The following HDAC9 variants were observed in gnomAD, a reference collection of about 807,000 sequenced individuals.
The protein encoded by HDAC9 is histone deacetylase 9, also known as MEF-2 interacting transcription repressor (MITR) protein.
In HDAC9, 41 loss-of-function variants were observed where a neutral mutation model predicts 139.4. That is an observed-to-expected ratio of 0.29 (90% CI 0.23 to 0.38). The LOEUF (loss-of-function observed/expected upper bound fraction) is 0.38. Ranked by LOEUF, HDAC9 falls within the 10% of genes least tolerant of loss-of-function variation. HDAC9 has a pLI of 1.00. For synonymous variants in HDAC9, 517 were observed against 476.2 expected (o/e 1.09, Z -1.12); for missense variants, 1,147 against 1,297.0 (o/e 0.88, Z 1.78).
chr7:18,803,773 G>A (rs1466584840), intron 17 of HDAC9, among the ~76,000 whole-genome samples: 1 of 152,012 alleles, frequency 6.6e-6, no homozygotes, highest in Non-Finnish European at 1.5e-5. Flanking sequence ...ACTCAGTCAA[G>A]TTGTTTAAAA....
intron 2 of HDAC9, among the ~76,000 whole-genome samples, chr7:18,283,276 C>G (rs1044598285): frequency 6.6e-6 from 1 of 152,108 alleles, no homozygotes; most frequent in Non-Finnish European, 1.5e-5. Context: ...GTGCCACACA[C>G]TTTCAAACAA....
intron 1 of HDAC9, among the ~76,000 whole-genome samples, chr7:18,142,560 C>T (rs1785982867): frequency 6.6e-6 from 1 of 152,210 alleles, no homozygotes; most frequent in Admixed American, 6.5e-5. Flanking sequence ...CCTCCCTCAC[C>T]ATGCAAGGGA....
intron 2 of HDAC9, among the ~76,000 whole-genome samples, chr7:18,206,091 T>G (rs1453424258): frequency 4.6e-5 from 7 of 152,176 alleles, no homozygotes; most frequent in Non-Finnish European, 1.0e-4. Context: ...AAAATTTGTG[T>G]GCCATGAAAG....
intron 1 of HDAC9, among the ~76,000 whole-genome samples, chr7:18,103,327 T>G (rs1343913545): frequency 6.6e-6 from 1 of 152,198 alleles, no homozygotes; most frequent in Non-Finnish European, 1.5e-5. Flanking sequence ...AGTGACATTT[T>G]TACTTTATTA....
intron 12 of HDAC9, among the ~76,000 whole-genome samples, chr7:18,724,682 T>C (rs901664137): frequency 6.6e-6 from 1 of 152,154 alleles, no homozygotes; most frequent in African/African-American, 2.4e-5. Flanking sequence ...TTGTGTTCCA[T>C]TATAATCTTC....
intron 6 of HDAC9, among the ~76,000 whole-genome samples, chr7:18,613,404 A>G (rs1837709074): frequency 6.6e-6 from 1 of 152,102 alleles, no homozygotes; most frequent in South Asian, 2.1e-4. Context: ...CACTCTGAGC[A>G]CATAGAGCGG....
chr7:18,273,011 T>TTCCTCC (rs1218579083), intron 2 of HDAC9, among the ~76,000 whole-genome samples: 1 of 147,822 alleles, frequency 6.8e-6, no homozygotes, highest in Non-Finnish European at 1.5e-5. Flanking sequence ...CTTCTTCTTC[T>TTCCTCC]TCCTCCTCCT....
At chr7:18,653,034 C>T (rs373214057) in intron 11 of HDAC9, among the ~76,000 whole-genome samples, 149 of 151,912 alleles carry the variant, frequency 9.8e-4, no homozygotes, top group African/African-American at 3.2e-3. Context: ...GTGGGGAGTT[C>T]GAGACCAGCC....
chr7:18,740,264 C>T (rs750827990), intron 13 of HDAC9, among the ~76,000 whole-genome samples: 4 of 152,152 alleles, frequency 2.6e-5, no homozygotes, highest in Non-Finnish European at 4.4e-5. Context: ...GCTCGCCCTC[C>T]GTGGGCTGCA....
Position 18,172,285 on chromosome 7 carries a change from C to T in HDAC9, c.25+9936C>T, listed in dbSNP as rs192095626. 1.5e-3 allele frequency among the ~76,000 whole-genome samples: 225 copies of T among 152,176 alleles called. 2 individuals are homozygous for T. The highest frequency in any genetic ancestry group is 5.1e-3 in the African/African-American group (212 of 41,510). On this transcript the variant is annotated intron_variant, in intron 2 of 12. Coordinates refer to the HDAC9 transcript ENST00000417496. The stretch of plus-strand genomic sequence containing the variant: ...ATGGTAGTTTGTATTTCCGTGGGAT[C>T]GGTGGTGATATCCCCTTAATCATTT...
intron 21 of HDAC9, among the ~76,000 whole-genome samples, chr7:18,837,310 A>C (rs1796303837): frequency 6.6e-6 from 1 of 151,978 alleles, no homozygotes; most frequent in Non-Finnish European, 1.5e-5. Flanking sequence ...TTTTGCTTTA[A>C]TTAGGAGCAA....
In HDAC9 at chr7:18,666,476, G is replaced by C. The variant is rs1337506884; in HGVS notation, c.1731G>C (p.Gln577His). The part of the protein sequence containing the change: ...ESGEQAAFMQ[Q>H]PFLEPTHTRA... ...GGGAGCAGGCTGCTTTTATGCAACAGGTAATAGGCAAAGATTTAGCTCCAG... is the reference window on the plus strand; with the variant it reads ...GGGAGCAGGCTGCTTTTATGCAACACGTAATAGGCAAAGATTTAGCTCCAG... The change falls in exon 12 of 26, where the codon CAG becomes CAC. Residue 577 changes from glutamine (Q) to histidine (H), a missense_variant and splice_region_variant. By Grantham distance (24) the Gln-to-His change is conservative (BLOSUM62 0). Coordinates refer to ENST00000686413, the MANE Select transcript of HDAC9 (RefSeq NM_178425.4). The C allele has an allele frequency of 6.2e-7, 1 of 1,607,170 alleles. No individual in the cohort carries two copies. Among genetic ancestry groups the C allele is most frequent in the Non-Finnish European group, 8.5e-7 (1 of 1,176,328 alleles).
At chr7:18,705,688 T>TA (rs1220415081) in intron 12 of HDAC9, among the ~76,000 whole-genome samples, 6 of 151,190 alleles carry the variant, frequency 4.0e-5, no homozygotes, top group Non-Finnish European at 7.4e-5. Flanking sequence ...CCGTTTCTAC[T>TA]AAAAAAATAC....
At chr7:18,980,188 C>G (rs1383264882) in intron 25 of HDAC9, among the ~76,000 whole-genome samples, 1 of 152,020 alleles carries the variant, frequency 6.6e-6, no homozygotes, top group African/African-American at 2.4e-5. Context: ...CATGTGAAGT[C>G]TGACTTAGAA....
At chr7:18,200,968 G>GTT (rs1475957188) in intron 2 of HDAC9, among the ~76,000 whole-genome samples, 2 of 152,260 alleles carry the variant, frequency 1.3e-5, no homozygotes, top group East Asian at 3.9e-4. Context: ...GTTAATTTTA[G>GTT]TTATACCATC....
chr7:18,337,197 G>GCTCC (rs754206342), intron 1 of HDAC9, among the ~76,000 whole-genome samples: 14 of 151,644 alleles, frequency 9.2e-5, no homozygotes, highest in East Asian at 5.8e-4. Flanking sequence ...ACTTTCAAAT[G>GCTCC]CTCCCCCTTC....
At chr7:18,934,920 A>G (rs140428127) in intron 22 of HDAC9, among the ~76,000 whole-genome samples, 9 of 152,310 alleles carry the variant, frequency 5.9e-5, no homozygotes, top group African/African-American at 2.2e-4. Context: ...CTCTCTGCCA[A>G]TAGAAGAATG....
At chr7:18,929,209 G>A (rs1035515212) in intron 22 of HDAC9, among the ~76,000 whole-genome samples, 2 of 151,968 alleles carry the variant, frequency 1.3e-5, no homozygotes, top group African/African-American at 4.8e-5. Context: ...AGAAAATACT[G>A]ACACAATATG....
At chr7:18,152,074 C>T (rs1240314439) in intron 1 of HDAC9, among the ~76,000 whole-genome samples, 1 of 151,660 alleles carries the variant, frequency 6.6e-6, no homozygotes, top group Non-Finnish European at 1.5e-5. Context: ...ACTCCCTACT[C>T]CTAATTCCTG....
Sources: allele counts gnomAD v4.1 joint callset (sites outside exome capture counted in the v4.1 genomes callset), GRCh38; gene constraint gnomAD v4.1.1; transcripts MANE v1.5; gene names NCBI Gene and HGNC (gene_info 2026-07-23, HGNC 2026-07-21).